Variants in MTHFD2L observed in about 807,000 individuals in gnomAD.
The protein encoded by MTHFD2L is methylenetetrahydrofolate dehydrogenase (NADP+ dependent) 2 like.
In MTHFD2L, 29 loss-of-function variants were observed where a neutral mutation model predicts 34.9. The observed-to-expected ratio is 0.83, with a 90% CI of 0.62 to 1.13. MTHFD2L has a LOEUF of 1.13. Ranked by LOEUF, MTHFD2L falls within the 50% of genes most tolerant of loss-of-function variation. The probability of loss-of-function intolerance (pLI) is 0.00; values close to 1 mark genes in which losing one functional copy is unlikely to be tolerated. For missense variants in MTHFD2L, 481 were observed against 446.5 expected, an observed-to-expected ratio of 1.08 and a Z score of -0.70; for synonymous variants, 167 against 155.7, an observed-to-expected ratio of 1.07 and a Z score of -0.54.
At chr4:74,207,592 A>C (rs1254874483) in intron 5 of MTHFD2L, among the ~76,000 whole-genome samples, 1 of 152,154 alleles carries the variant, frequency 6.6e-6, no homozygotes, top group Non-Finnish European at 1.5e-5. Flanking sequence ...TTCCGAAGGC[A>C]CTGCCTCTGC....
chr4:74,153,208 T>G (rs771209026), upstream of MTHFD2L, among the ~76,000 whole-genome samples: 12 of 152,252 alleles, frequency 7.9e-5, no homozygotes, highest in Non-Finnish European at 1.5e-4. Context: ...CCAACTTTGG[T>G]GGCTTTTGAT....
intron 5 of MTHFD2L, among the ~76,000 whole-genome samples, chr4:74,221,498 A>G: frequency 6.6e-6 from 1 of 151,632 alleles, no homozygotes; most frequent in Non-Finnish European, 1.5e-5. Flanking sequence ...TCACTCTTTT[A>G]CTTTATAATG....
At chr4:74,134,887 A>C (rs1345607800) in intron 1 of MTHFD2L, among the ~76,000 whole-genome samples, 1 of 152,144 alleles carries the variant, frequency 6.6e-6, no homozygotes, top group African/African-American at 2.4e-5. Flanking sequence ...CAATGAGCTC[A>C]AAGACTGGCT....
chr4:74,141,174 C>G (rs1008968758), intron 1 of MTHFD2L, among the ~76,000 whole-genome samples: 2 of 152,098 alleles, frequency 1.3e-5, no homozygotes, highest in African/African-American at 2.4e-5. Context: ...TACTGGTGCT[C>G]TAAGTAATAA....
At chr4:74,250,408 A>G (rs1483533513) in intron 6 of MTHFD2L, among the ~76,000 whole-genome samples, 1 of 151,890 alleles carries the variant, frequency 6.6e-6, no homozygotes, top group East Asian at 1.9e-4. Flanking sequence ...TTTATTATGT[A>G]TCTATTTATT....
intron 5 of MTHFD2L, among the ~76,000 whole-genome samples, chr4:74,207,159 C>T (rs182726326): frequency 6.6e-6 from 1 of 152,174 alleles, no homozygotes; most frequent in East Asian, 1.9e-4. Flanking sequence ...CTCCACCTCT[C>T]AAAATGTTGA....
At chr4:74,131,204 T>C (rs1327982559) in intron 1 of MTHFD2L, among the ~76,000 whole-genome samples, 2 of 152,186 alleles carry the variant, frequency 1.3e-5, no homozygotes, top group Non-Finnish European at 2.9e-5. Context: ...AAGCTACCAT[T>C]GACTTTCTTC....
At chr4:74,130,028 T>C (rs1722359284) in intron 1 of MTHFD2L, among the ~76,000 whole-genome samples, 1 of 152,082 alleles carries the variant, frequency 6.6e-6, no homozygotes, top group South Asian at 2.1e-4. Flanking sequence ...CTCCCAAGAC[T>C]AAACCAGGAA....
intron 3 of MTHFD2L, among the ~76,000 whole-genome samples, chr4:74,192,476 T>A (rs1732723488): frequency 6.6e-6 from 1 of 152,194 alleles, no homozygotes; most frequent in South Asian, 2.1e-4. Flanking sequence ...GTATACATCA[T>A]TAAGGTTCAT....
rs1722430148 is a variant in MTHFD2L at position 74,130,746 on chromosome 4, G to T, written c.-297+5229G>T. On this transcript the variant is annotated intron_variant, in intron 1 of 7. Coordinates refer to the MTHFD2L transcript ENST00000433372. ...TGGAAGTTCTGGCCAGGGCAATCAGGCAAGAGAAAGAAATAAAGGGTATTC... is the reference window on the plus strand; with the variant it reads ...TGGAAGTTCTGGCCAGGGCAATCAGTCAAGAGAAAGAAATAAAGGGTATTC... Among the ~76,000 whole-genome samples the T allele has an allele frequency of 2.6e-5, 4 of 152,244 alleles. No homozygotes were observed. The Middle Eastern group carries it at 0.014, about 521-fold the overall frequency.
chr4:74,136,464 A>G (rs1345755666), intron 1 of MTHFD2L, among the ~76,000 whole-genome samples: 12 of 152,110 alleles, frequency 7.9e-5, no homozygotes, highest in Admixed American at 7.9e-4. Flanking sequence ...CTCTGGTGAA[A>G]GAAATAGAAG....
chr4:74,153,048 G>T (rs543201068), intron 1 of MTHFD2L, among the ~76,000 whole-genome samples: 1 of 152,210 alleles, frequency 6.6e-6, no homozygotes, highest in South Asian at 2.1e-4. Context: ...CTGGATCCTT[G>T]TTTATTCCTT....
chr4:74,174,805 A>T (rs1728716543), intron 2 of MTHFD2L, 115 bp downstream of exon 2: 1 of 675,088 alleles, frequency 1.5e-6, no homozygotes. Context: ...TGCATGTATT[A>T]TTATTAAAGA....
chr4:74,291,557 A>AG (rs1748962073), intron 7 of MTHFD2L, among the ~76,000 whole-genome samples: 1 of 152,226 alleles, frequency 6.6e-6, no homozygotes, highest in Admixed American at 6.5e-5. Context: ...TTATTTACTC[A>AG]GCACATATTT....
chr4:74,176,496 G>A (rs182909011), intron 3 of MTHFD2L, among the ~76,000 whole-genome samples: 9 of 151,938 alleles, frequency 5.9e-5, no homozygotes, highest in African/African-American at 2.2e-4. Context: ...ATCCACTTTT[G>A]TAAAATATCA....
At chr4:74,296,622 C>A (rs776592183) in intron 7 of MTHFD2L, among the ~76,000 whole-genome samples, 3 of 152,040 alleles carry the variant, frequency 2.0e-5, no homozygotes, top group Non-Finnish European at 4.4e-5. Flanking sequence ...GAATTCCAAC[C>A]AGATTTTAAA....
intron 3 of MTHFD2L, among the ~76,000 whole-genome samples, chr4:74,189,298 T>G (rs1269575989): frequency 6.6e-6 from 1 of 152,066 alleles, no homozygotes; most frequent in East Asian, 1.9e-4. Flanking sequence ...ATTATTTGTT[T>G]AGTCACATAG....
chr4:74,152,132 T>C (rs1723976794), intron 1 of MTHFD2L, among the ~76,000 whole-genome samples: 1 of 152,090 alleles, frequency 6.6e-6, no homozygotes. Context: ...TTTCATATCC[T>C]AATAATTACA....
intron 2 of MTHFD2L, among the ~76,000 whole-genome samples, chr4:74,175,066 C>A (rs1006153683): frequency 3.9e-5 from 6 of 152,110 alleles, no homozygotes; most frequent in Non-Finnish European, 7.4e-5. Flanking sequence ...TAGCTTATCT[C>A]AAACAAGTAC....
Sources: allele counts gnomAD v4.1 joint callset (sites outside exome capture counted in the v4.1 genomes callset), GRCh38; gene constraint gnomAD v4.1.1; transcripts MANE v1.5; gene names NCBI Gene and HGNC (gene_info 2026-07-23, HGNC 2026-07-21).